The following STAG1 variants were observed in gnomAD, a reference collection of about 807,000 sequenced individuals.
STAG1 encodes the protein cohesin subunit SA-1.
In STAG1, 26 loss-of-function variants were observed where a neutral mutation model predicts 170.9. The observed-to-expected ratio is 0.15, with a 90% CI of 0.11 to 0.21. The LOEUF (loss-of-function observed/expected upper bound fraction) is 0.21, where lower values mean the gene tolerates loss of function less well. Among genes scored for constraint, STAG1 ranks in the 10% least tolerant of loss-of-function variants. STAG1 has a pLI of 1.00. For synonymous variants in STAG1, 514 were observed against 497.7 expected, an observed-to-expected ratio of 1.03 and a Z score of -0.44; for missense variants, 964 against 1,509.5, an observed-to-expected ratio of 0.64 and a Z score of 5.99.
intron 20 of STAG1, among the ~76,000 whole-genome samples, chr3:136,420,462 T>C (rs953888015): frequency 1.3e-5 from 2 of 151,956 alleles, no homozygotes; most frequent in African/African-American, 4.8e-5. Context: ...CTTCCCAAAG[T>C]GCTGGGATTA....
rs762559594 is a variant in STAG1 at position 136,737,780 on chromosome 3, T to C, written c.-84+14415A>G. Among the ~76,000 whole-genome samples, 23 of 152,024 alleles carry C rather than the reference T, an allele frequency of 1.5e-4. 1 individual carries two copies. Among genetic ancestry groups the C allele is most frequent in the Admixed American group, 5.9e-4 (9 of 15,236 alleles). On this transcript the variant is annotated intron_variant, in intron 1 of 33. Coordinates refer to ENST00000383202, the MANE Select transcript of STAG1 (RefSeq NM_005862.3). Reference sequence around the variant, plus strand: ...AGACAATAAATGAGCACTTTAAAAATAGAATAAGGCCAGGCGCGGTGGCTC... The same window carrying C: ...AGACAATAAATGAGCACTTTAAAAACAGAATAAGGCCAGGCGCGGTGGCTC...
At chr3:136,749,514 G>A (rs1319529244) in intron 1 of STAG1, among the ~76,000 whole-genome samples, 1 of 152,164 alleles carries the variant, frequency 6.6e-6, no homozygotes, top group Non-Finnish European at 1.5e-5. Flanking sequence ...TTGGTAGGCT[G>A]AGGTGGGCAG....
At chr3:136,527,794 C>T (rs972660646) in intron 6 of STAG1, among the ~76,000 whole-genome samples, 4 of 152,138 alleles carry the variant, frequency 2.6e-5, no homozygotes, top group Non-Finnish European at 5.9e-5. Flanking sequence ...TGTTAGTTTT[C>T]CTTCTTACAG....
chr3:136,493,457 C>T (rs1000216676), intron 9 of STAG1, among the ~76,000 whole-genome samples: 6 of 151,974 alleles, frequency 3.9e-5, no homozygotes, highest in Non-Finnish European at 8.8e-5. Context: ...GAGTTCAACA[C>T]GAGCCTGGAC....
At chr3:136,621,288 T>C (rs1465192389) in intron 3 of STAG1, among the ~76,000 whole-genome samples, 1 of 152,190 alleles carries the variant, frequency 6.6e-6, no homozygotes, top group African/African-American at 2.4e-5. Flanking sequence ...TTAATCTGAA[T>C]CCTGTAAGTG....
At chr3:136,673,846 T>G (rs1176149178) in intron 1 of STAG1, among the ~76,000 whole-genome samples, 1 of 152,046 alleles carries the variant, frequency 6.6e-6, no homozygotes, top group Non-Finnish European at 1.5e-5. Context: ...CTCACACCTG[T>G]AATCCCAGCA....
intron 4 of STAG1, 75 bp downstream of exon 4, chr3:136,604,234 A>G (rs1576656550): frequency 4.4e-6 from 6 of 1,349,606 alleles, no homozygotes; most frequent in East Asian, 4.8e-5. Flanking sequence ...TAAAGTGCCA[A>G]TATACACACT....
chr3:136,395,778 G>A (rs1460711993), intron 22 of STAG1, among the ~76,000 whole-genome samples: 2 of 152,104 alleles, frequency 1.3e-5, no homozygotes, highest in South Asian at 2.1e-4. Flanking sequence ...CAAAAATGAC[G>A]TCTGTGGGAA....
At chr3:136,624,236 C>T (rs993451444) in intron 2 of STAG1, among the ~76,000 whole-genome samples, 1 of 151,772 alleles carries the variant, frequency 6.6e-6, no homozygotes, top group East Asian at 2.0e-4. Context: ...GTAGCTGGGA[C>T]TACAGGCACC....
chr3:136,650,799 A>C (rs1576715719), intron 1 of STAG1, among the ~76,000 whole-genome samples: 2 of 152,296 alleles, frequency 1.3e-5, no homozygotes, highest in Admixed American at 1.3e-4. Flanking sequence ...GGTAAGCAAC[A>C]ATGAGCTCAA....
chr3:136,694,174 A>T lies in STAG1; in HGVS notation c.-84+58021T>A, dbSNP rs149511150. 4.8e-3 allele frequency among the ~76,000 whole-genome samples: 729 copies of T among 152,234 alleles called. 5 individuals are homozygous for T. The highest frequency in any genetic ancestry group is 0.017 in the African/African-American group (688 of 41,528). ...GGCTTTAGGAAATGCTTTGAGGATAACCCTATGTAAATTCTTTGCAAGTTG... is the reference window on the plus strand; with the variant it reads ...GGCTTTAGGAAATGCTTTGAGGATATCCCTATGTAAATTCTTTGCAAGTTG... On this transcript the variant is annotated intron_variant, in intron 1 of 33. Transcript: ENST00000383202.
intron 1 of STAG1, among the ~76,000 whole-genome samples, chr3:136,713,115 C>T (rs1943429809): frequency 6.6e-6 from 1 of 152,018 alleles, no homozygotes; most frequent in Non-Finnish European, 1.5e-5. Flanking sequence ...CAAGAGTGTT[C>T]TCAGCAGTAA....
At position 136,337,460 on chromosome 3, in the gene STAG1, T is replaced by C. The variant is rs1935731130; in HGVS notation, c.*794A>G. ...AGTTGCTAAAAATGCACAGAACAAA[T>C]ACCAATAGAAAATGCACTGTATTTG... On this transcript the variant is annotated 3_prime_UTR_variant, in exon 34 of 34. Coordinates refer to ENST00000383202, the MANE Select transcript of STAG1 (RefSeq NM_005862.3). 1 of 152,600 alleles carries C rather than the reference T, an allele frequency of 6.6e-6. No homozygotes were observed. Among genetic ancestry groups the C allele is most frequent in the Non-Finnish European group, 1.5e-5 (1 of 68,032 alleles). The allele number at this position is 152,600 out of a possible 1,614,324, so 9.5% of individuals were successfully genotyped here.
intron 13 of STAG1, among the ~76,000 whole-genome samples, chr3:136,463,161 A>G (rs1369030701): frequency 6.6e-6 from 1 of 152,224 alleles, no homozygotes; most frequent in Non-Finnish European, 1.5e-5. Flanking sequence ...AGGAAATGCA[A>G]TATTATTTTA....
chr3:136,733,464 C>T (rs1576826960), intron 1 of STAG1, among the ~76,000 whole-genome samples: 1 of 152,126 alleles, frequency 6.6e-6, no homozygotes, highest in Non-Finnish European at 1.5e-5. Flanking sequence ...TTGTGCAGCC[C>T]ACAACAGTGG....
intron 21 of STAG1, among the ~76,000 whole-genome samples, chr3:136,408,942 G>C (rs1374333126): frequency 2.6e-5 from 4 of 152,028 alleles, no homozygotes; most frequent in Non-Finnish European, 5.9e-5. Flanking sequence ...TCTAAGAATA[G>C]CATGACTCTA....
chr3:136,727,821 A>T (rs1276730093), intron 1 of STAG1, among the ~76,000 whole-genome samples: 2 of 152,164 alleles, frequency 1.3e-5, no homozygotes, highest in Non-Finnish European at 2.9e-5. Context: ...TTTGGGAGGA[A>T]AAACATCTAG....
intron 1 of STAG1, among the ~76,000 whole-genome samples, chr3:136,633,400 A>C (rs910507486): frequency 5.3e-5 from 8 of 152,144 alleles, no homozygotes; most frequent in African/African-American, 1.9e-4. Context: ...GACATGCCCT[A>C]CAAGAAATGC....
intron 13 of STAG1, among the ~76,000 whole-genome samples, chr3:136,463,770 TACAC>T (rs375928916): frequency 7.4e-4 from 94 of 126,398 alleles, no homozygotes; most frequent in East Asian, 2.6e-3. Flanking sequence ...TGTGTGTGTA[TACAC>T]ACACACACAC....
Sources: gnomAD v4.1 joint callset for allele counts (sites outside exome capture counted in the v4.1 genomes callset) on GRCh38, gnomAD v4.1.1 for gene constraint, MANE v1.5 for transcripts, NCBI Gene and HGNC (gene_info 2026-07-23, HGNC 2026-07-21) for gene names.